Variants in FAM135B observed in about 807,000 individuals in gnomAD.
FAM135B encodes the protein protein FAM135B.
A neutral mutation model predicts 127.7 loss-of-function variants in FAM135B; 43 were observed. That is an observed-to-expected ratio of 0.34 (90% CI 0.26 to 0.43). FAM135B has a LOEUF of 0.43. FAM135B is among the 20% of genes least tolerant of loss of function. The pLI is 1.00. For synonymous variants in FAM135B, 670 were observed against 665.1 expected (o/e 1.01, Z -0.11); for missense variants, 1,558 against 1,725.6 (o/e 0.90, Z 1.72).
intron 7 of FAM135B, among the ~76,000 whole-genome samples, chr8:138,199,980 G>A (rs1165253338): frequency 6.6e-6 from 1 of 152,168 alleles, no homozygotes; most frequent in Non-Finnish European, 1.5e-5. Flanking sequence ...CCTTGCGGGA[G>A]CAGCTCTCTC....
intron 2 of FAM135B, among the ~76,000 whole-genome samples, chr8:138,351,432 T>C (rs1241947497): frequency 6.6e-6 from 1 of 152,088 alleles, no homozygotes; most frequent in Non-Finnish European, 1.5e-5. Flanking sequence ...GAAACTGTAG[T>C]AATGCACTGA....
At chr8:138,225,811 G>T (rs1337115157) in intron 7 of FAM135B, among the ~76,000 whole-genome samples, 1 of 152,184 alleles carries the variant, frequency 6.6e-6, no homozygotes. Flanking sequence ...TGTGAGCAGG[G>T]ATGGGTGAAG....
chr8:138,389,807 T>C (rs1832440727), intron 1 of FAM135B, among the ~76,000 whole-genome samples: 1 of 152,196 alleles, frequency 6.6e-6, no homozygotes. Context: ...GATCCAATTG[T>C]GTTTGTGTTA....
At chr8:138,438,068 C>A (rs1835554613) in intron 1 of FAM135B, 1 of 152,178 alleles carries the variant, frequency 6.6e-6, no homozygotes, top group African/African-American at 2.4e-5. Flanking sequence ...AAAACAGTCA[C>A]CTTCTTTGTC....
intron 7 of FAM135B, among the ~76,000 whole-genome samples, chr8:138,224,046 G>A (rs1256836846): frequency 6.6e-6 from 1 of 151,910 alleles, no homozygotes; most frequent in Non-Finnish European, 1.5e-5. Context: ...CGGGGGTGGG[G>A]GGCAAGGGTT....
At chr8:138,166,716 A>T (rs1163553671) in intron 12 of FAM135B, among the ~76,000 whole-genome samples, 1 of 152,232 alleles carries the variant, frequency 6.6e-6, no homozygotes, top group Non-Finnish European at 1.5e-5. Context: ...CATACATTTA[A>T]GAACAATTAA....
At chr8:138,397,003 T>A (rs1244618720) in intron 1 of FAM135B, among the ~76,000 whole-genome samples, 1 of 152,146 alleles carries the variant, frequency 6.6e-6, no homozygotes, top group Non-Finnish European at 1.5e-5. Flanking sequence ...GACTAATTTG[T>A]CCAACACCAC....
intron 16 of FAM135B, among the ~76,000 whole-genome samples, chr8:138,142,493 A>G: frequency 6.6e-6 from 1 of 151,240 alleles, no homozygotes; most frequent in South Asian, 2.1e-4. Context: ...TTTAGTAGAG[A>G]TGGGGTTTCC....
chr8:138,273,410 T>C (rs948586946), intron 3 of FAM135B, among the ~76,000 whole-genome samples: 39 of 152,356 alleles, frequency 2.6e-4, no homozygotes, highest in African/African-American at 8.2e-4. Context: ...TTCACCATGT[T>C]AGTCAGGCTG....
chr8:138,256,506 G>T (rs2130541055), intron 5 of FAM135B, among the ~76,000 whole-genome samples, 183 bp downstream of exon 5: 1 of 152,276 alleles, frequency 6.6e-6, no homozygotes, highest in Non-Finnish European at 1.5e-5. Flanking sequence ...AAACGTATGT[G>T]GTTTGAAATG....
chr8:138,254,564 TC>T (rs1346914174), intron 5 of FAM135B, among the ~76,000 whole-genome samples: 1 of 152,206 alleles, frequency 6.6e-6, no homozygotes, highest in Non-Finnish European at 1.5e-5. Context: ...GGGCTTTACT[TC>T]TGAGTTTATA....
At chr8:138,319,307 A>G (rs961498123) in intron 2 of FAM135B, among the ~76,000 whole-genome samples, 2 of 152,128 alleles carry the variant, frequency 1.3e-5, no homozygotes, top group Admixed American at 1.3e-4. Context: ...GGGTTTCACC[A>G]TGTTGGCCAG....
chr8:138,433,810 A>C (rs1835325850), intron 1 of FAM135B, among the ~76,000 whole-genome samples: 1 of 152,202 alleles, frequency 6.6e-6, no homozygotes, highest in Admixed American at 6.5e-5. Context: ...AGAGGGAGAG[A>C]AATCAGAGGT....
intron 1 of FAM135B, among the ~76,000 whole-genome samples, chr8:138,373,975 G>A (rs911566841): frequency 1.8e-4 from 27 of 152,032 alleles, no homozygotes; most frequent in African/African-American, 4.1e-4. Context: ...CTGTGATCTC[G>A]CCCTGCCTCC....
intron 1 of FAM135B, chr8:138,450,944 TAAA>T (rs1439432119): frequency 1.3e-5 from 2 of 152,188 alleles, no homozygotes; most frequent in African/African-American, 4.8e-5. Flanking sequence ...CTCAACTGCA[TAAA>T]TAATAAAACT....
Position 138,152,213 on chromosome 8 carries a change from A to C in FAM135B, c.2262T>G (p.Pro754=). 6.2e-7 allele frequency: 1 copy of C among 1,614,142 alleles called. No homozygotes were observed. The highest frequency in any genetic ancestry group is 8.5e-7 in the Non-Finnish European group (1 of 1,180,040). ...QASLTSISSL[P]FEEDEREVAL... Reference sequence around the variant, plus strand: ...CCACCTCCCGCTCATCCTCCTCAAAAGGTAAAGAGCTAATGGAGGTGAGAG... The same window carrying C: ...CCACCTCCCGCTCATCCTCCTCAAACGGTAAAGAGCTAATGGAGGTGAGAG... The change falls in exon 13 of 20, where the codon CCT becomes CCG. Residue 754 remains proline (P), a synonymous_variant. Transcript: ENST00000395297.
chr8:138,428,415 C>A (rs2131494682), intron 1 of FAM135B, among the ~76,000 whole-genome samples: 1 of 152,142 alleles, frequency 6.6e-6, no homozygotes, highest in East Asian at 1.9e-4. Flanking sequence ...TCTCTGCTTG[C>A]AACATAATTG....
intron 2 of FAM135B, among the ~76,000 whole-genome samples, chr8:138,356,931 G>C (rs1830127654): frequency 6.6e-6 from 1 of 152,082 alleles, no homozygotes; most frequent in Admixed American, 6.6e-5. Context: ...CTTTTGCAGA[G>C]GTTTTAGAAG....
In FAM135B at chr8:138,242,895, A is replaced by G. The variant is rs189820651; in HGVS notation, c.669+47T>C. The G allele has an allele frequency of 2.9e-4, 453 of 1,585,368 alleles. 2 individuals are homozygous for G. The African/African-American group carries it at 5.7e-3, about 20-fold the overall frequency. The stretch of plus-strand genomic sequence containing the variant: ...AATCTCATAGAACATACACTCTGCA[A>G]AGTAAAGTTTGAAAGTTTTGAAGCA... On this transcript the variant is annotated intron_variant, in intron 7 of 19. Coordinates refer to ENST00000395297, the MANE Select transcript of FAM135B (RefSeq NM_015912.4). The surrounding 1 kb of genome is among the most constrained non-coding windows in gnomAD (Gnocchi z 9.6).
Sources: allele counts gnomAD v4.1 joint callset (sites outside exome capture counted in the v4.1 genomes callset), GRCh38; gene constraint gnomAD v4.1.1; non-coding constraint Gnocchi (gnomAD v3.1); transcripts MANE v1.5; gene names NCBI Gene and HGNC (gene_info 2026-07-23, HGNC 2026-07-21).